Variants in ZFAND3 observed in about 807,000 individuals in gnomAD.
ZFAND3 encodes AN1-type zinc finger protein 3.
A neutral mutation model predicts 29.6 loss-of-function variants in ZFAND3; 10 were observed. The observed-to-expected ratio is 0.34, with a 90% confidence interval of 0.21 to 0.57. The LOEUF (loss-of-function observed/expected upper bound fraction) is 0.57. Among genes scored for constraint, ZFAND3 ranks in the 20% least tolerant of loss-of-function variants. The pLI, the probability that ZFAND3 is intolerant of heterozygous loss-of-function variation, is 0.86. For synonymous variants in ZFAND3, 128 were observed against 112.6 expected (o/e 1.14, Z -0.87); for missense variants, 230 against 304.5 (o/e 0.76, Z 1.82).
intron 2 of ZFAND3, among the ~76,000 whole-genome samples, chr6:37,977,423 T>C (rs1437923693): frequency 6.6e-6 from 1 of 152,184 alleles, no homozygotes; most frequent in Non-Finnish European, 1.5e-5. Context: ...TGCGTTAGCC[T>C]CCCGAGTAGC....
chr6:38,044,433 A>C (rs1197672439), intron 2 of ZFAND3, among the ~76,000 whole-genome samples: 1 of 152,098 alleles, frequency 6.6e-6, no homozygotes, highest in Non-Finnish European at 1.5e-5. Context: ...GAAATGAATG[A>C]AATTGGTCCT....
intron 2 of ZFAND3, among the ~76,000 whole-genome samples, chr6:38,042,812 T>A (rs1763817707): frequency 6.6e-6 from 1 of 152,148 alleles, no homozygotes; most frequent in Admixed American, 6.5e-5. Context: ...ACAAAATAGA[T>A]CATTTATATT....
At chr6:37,993,122 G>T (rs1762788250) in intron 2 of ZFAND3, among the ~76,000 whole-genome samples, 1 of 151,736 alleles carries the variant, frequency 6.6e-6, no homozygotes, top group African/African-American at 2.4e-5. Context: ...GTGTAATCTG[G>T]TGAGTTCAAT....
chr6:38,109,222 G>A (rs868144878), intron 4 of ZFAND3, among the ~76,000 whole-genome samples: 6 of 142,180 alleles, frequency 4.2e-5, no homozygotes, highest in East Asian at 2.1e-4. Context: ...TTGCTCTGTC[G>A]CCGAGGCTGG....
rs1463720302 is a variant in ZFAND3, at chr6:37,884,593, A to C, written c.72-45366A>C. On this transcript the variant is annotated intron_variant, in intron 1 of 5. Transcript: ENST00000287218. ...TAATTCCAGTGTGGCTTCAAGCTCC[A>C]GACCAAAATACCAATGAAATACTCT... Among the ~76,000 whole-genome samples the C allele has an allele frequency of 1.4e-5, 2 of 143,810 alleles. 1 individual carries two copies. The highest frequency in any genetic ancestry group is 5.7e-5 in the African/African-American group (2 of 35,248). The allele number at this position is 143,810 out of a possible 152,430, so 94.3% of individuals were successfully genotyped here. A position where few individuals can be genotyped will look rare whatever the true frequency, so the allele number is the denominator to read the frequency against.
chr6:38,127,959 A>C (rs764797644), intron 5 of ZFAND3, among the ~76,000 whole-genome samples: 1 of 152,102 alleles, frequency 6.6e-6, no homozygotes, highest in Non-Finnish European at 1.5e-5. Flanking sequence ...ATCTCTTCTG[A>C]AGTACCCACA....
intron 2 of ZFAND3, among the ~76,000 whole-genome samples, chr6:38,030,354 A>C (rs1271304132): frequency 1.3e-5 from 2 of 151,908 alleles, no homozygotes; most frequent in Non-Finnish European, 2.9e-5. Flanking sequence ...TTTTTACCAC[A>C]GTAAGCACTG....
intron 4 of ZFAND3, among the ~76,000 whole-genome samples, chr6:38,110,247 T>C (rs1019090201): frequency 1.1e-4 from 16 of 152,318 alleles, no homozygotes; most frequent in African/African-American, 3.9e-4. Context: ...AAAATTATTT[T>C]AGGGTCATTG....
intron 1 of ZFAND3, among the ~76,000 whole-genome samples, chr6:37,866,909 C>T (rs775069463): frequency 1.3e-5 from 2 of 152,144 alleles, no homozygotes; most frequent in African/African-American, 2.4e-5. Context: ...ATGAAACATA[C>T]GGACTGCTTT....
At position 38,154,377 on chromosome 6, in the gene ZFAND3, G is replaced by A; in HGVS notation, c.*1988G>A. 8 of 754,044 alleles carry A rather than the reference G, an allele frequency of 1.1e-5. No individual in the cohort carries two copies. Among genetic ancestry groups the A allele is most frequent in the Non-Finnish European group, 1.1e-5 (7 of 619,112 alleles). 46.7% of individuals were successfully genotyped at this position (754,044 alleles called of 1,614,324 possible). A position where few individuals can be genotyped will look rare whatever the true frequency, so the allele number is the denominator to read the frequency against. On this transcript the variant is annotated 3_prime_UTR_variant, in exon 6 of 6. Coordinates refer to ENST00000287218, the MANE Select transcript of ZFAND3 (RefSeq NM_021943.3). Reference sequence around the variant, plus strand: ...GTTCGCTTCCTGACTTAGAGCTGGGGGGGGTGGGGGGTGGGGCTTGTTCCC... The same window carrying A: ...GTTCGCTTCCTGACTTAGAGCTGGGAGGGGTGGGGGGTGGGGCTTGTTCCC...
chr6:37,921,584 G>A (rs1233072110), intron 1 of ZFAND3, among the ~76,000 whole-genome samples: 22 of 151,888 alleles, frequency 1.4e-4, no homozygotes, highest in Admixed American at 1.3e-3. Flanking sequence ...ATTATAAGAT[G>A]TTTCCAGAAT....
chr6:37,870,399 C>G (rs1320691029), intron 1 of ZFAND3, among the ~76,000 whole-genome samples: 1 of 149,070 alleles, frequency 6.7e-6, no homozygotes, highest in Non-Finnish European at 1.5e-5. Flanking sequence ...GTCAGAAGTT[C>G]GAGACCAGCC....
intron 1 of ZFAND3, among the ~76,000 whole-genome samples, chr6:37,902,502 C>T (rs1581747710): frequency 1.3e-5 from 2 of 151,956 alleles, no homozygotes; most frequent in East Asian, 3.9e-4. Flanking sequence ...AACACCACCA[C>T]CACCACCAAA....
intron 1 of ZFAND3, among the ~76,000 whole-genome samples, chr6:37,878,762 C>G (rs141363135): frequency 1.6e-4 from 24 of 152,308 alleles, no homozygotes; most frequent in African/African-American, 3.4e-4. Context: ...TCTGGTTGAT[C>G]AGATTTTTTA....
At chr6:38,031,397 C>G (rs184315257) in intron 2 of ZFAND3, among the ~76,000 whole-genome samples, 9 of 152,312 alleles carry the variant, frequency 5.9e-5, no homozygotes, top group Non-Finnish European at 1.3e-4. Context: ...ATGCCTTAAA[C>G]TTTTATCTGT....
At chr6:37,898,898 C>CTTAATTTAT (rs1561926745) in intron 1 of ZFAND3, among the ~76,000 whole-genome samples, 1 of 150,996 alleles carries the variant, frequency 6.6e-6, no homozygotes, top group Non-Finnish European at 1.5e-5. Context: ...ATATTCATTT[C>CTTAATTTAT]TTATTTATTT....
At chr6:37,968,296 G>A (rs1350719186) in intron 2 of ZFAND3, among the ~76,000 whole-genome samples, 5 of 151,800 alleles carry the variant, frequency 3.3e-5, no homozygotes, top group Non-Finnish European at 5.9e-5. Context: ...GAAAAAAAGC[G>A]TTTTTATTGA....
chr6:37,946,822 T>C (rs1287173195), intron 2 of ZFAND3, among the ~76,000 whole-genome samples: 1 of 152,154 alleles, frequency 6.6e-6, no homozygotes, highest in East Asian at 1.9e-4. Flanking sequence ...GTGACGTACC[T>C]ACAGTAGTCA....
chr6:37,844,797 G>A (rs1000726891), intron 1 of ZFAND3, among the ~76,000 whole-genome samples: 2 of 151,048 alleles, frequency 1.3e-5, no homozygotes, highest in African/African-American at 2.4e-5. Context: ...GGCGGATCAC[G>A]AAGTCAGGAG....
Sources: allele counts gnomAD v4.1 joint callset (sites outside exome capture counted in the v4.1 genomes callset), GRCh38; gene constraint gnomAD v4.1.1; transcripts MANE v1.5; gene names NCBI Gene and HGNC (gene_info 2026-07-23, HGNC 2026-07-21).